Variants in ADGRB3 observed in about 807,000 individuals in gnomAD.
ADGRB3 encodes the protein brain-specific angiogenesis inhibitor 3.
A neutral mutation model predicts 193.4 loss-of-function variants in ADGRB3; 37 were observed. That is an observed-to-expected ratio of 0.19 (90% CI 0.15 to 0.25). The LOEUF is 0.25. Among genes scored for constraint, ADGRB3 ranks in the 10% least tolerant of loss-of-function variants. The probability of loss-of-function intolerance (pLI) is 1.00; values close to 1 mark genes in which losing one functional copy is unlikely to be tolerated. For missense variants in ADGRB3, 1,637 were observed against 1,852.9 expected (o/e 0.88, Z 2.14); for synonymous variants, 690 against 644.2 (o/e 1.07, Z -1.08).
chr6:68,800,472 T>A (rs952442369), intron 3 of ADGRB3, among the ~76,000 whole-genome samples: 1 of 152,020 alleles, frequency 6.6e-6, no homozygotes, highest in Admixed American at 6.6e-5. Flanking sequence ...TTAGATGAGA[T>A]CTCCTAGACT....
chr6:69,269,784 T>C (rs1441299581), intron 20 of ADGRB3, among the ~76,000 whole-genome samples: 2 of 151,900 alleles, frequency 1.3e-5, no homozygotes, highest in Non-Finnish European at 2.9e-5. Flanking sequence ...GATACTTTAG[T>C]TTTATCAAAT....
chr6:68,729,506 T>C (rs766316205), intron 3 of ADGRB3, among the ~76,000 whole-genome samples: 1 of 151,558 alleles, frequency 6.6e-6, no homozygotes, highest in Non-Finnish European at 1.5e-5. Flanking sequence ...TCAGTATGGA[T>C]CAGATCCGGA....
intron 17 of ADGRB3, among the ~76,000 whole-genome samples, chr6:69,097,864 G>A (rs1015846218): frequency 4.5e-4 from 68 of 152,012 alleles, no homozygotes; most frequent in African/African-American, 1.6e-3. Context: ...AAGGAAAATG[G>A]TACAGATTTT....
chr6:69,112,336 T>C (rs1773389371), intron 17 of ADGRB3, among the ~76,000 whole-genome samples: 1 of 152,216 alleles, frequency 6.6e-6, no homozygotes, highest in Non-Finnish European at 1.5e-5. Context: ...TTAGGAATTA[T>C]GGTTTGATAA....
chr6:68,900,253 G>T (rs945703894), intron 3 of ADGRB3, among the ~76,000 whole-genome samples: 2 of 152,070 alleles, frequency 1.3e-5, no homozygotes, highest in Non-Finnish European at 2.9e-5. Context: ...CTATAAAAAT[G>T]ACCATTTATT....
At chr6:68,821,922 A>G (rs1292765499) in intron 3 of ADGRB3, among the ~76,000 whole-genome samples, 2 of 152,120 alleles carry the variant, frequency 1.3e-5, no homozygotes, top group African/African-American at 4.8e-5. Flanking sequence ...AAGGATATTA[A>G]TTCATTTAAT....
chr6:69,040,385 C>CTTTCTTTCCT (rs1562133322), intron 13 of ADGRB3, among the ~76,000 whole-genome samples: 1 of 121,696 alleles, frequency 8.2e-6, no homozygotes, highest in East Asian at 2.6e-4. Context: ...TTCCTTCTCT[C>CTTTCTTTCCT]TCTTTCTTTC....
chr6:68,928,595 A>G (rs1228548934), intron 3 of ADGRB3, among the ~76,000 whole-genome samples: 1 of 152,170 alleles, frequency 6.6e-6, no homozygotes, highest in African/African-American at 2.4e-5. Context: ...CATTTTCCTT[A>G]GAAGAGAGAT....
At chr6:69,300,953 A>T (rs1385320940) in intron 20 of ADGRB3, among the ~76,000 whole-genome samples, 1 of 151,800 alleles carries the variant, frequency 6.6e-6, no homozygotes, top group Non-Finnish European at 1.5e-5. Flanking sequence ...GCAGAGATGT[A>T]GGAAGAGTTT....
At chr6:68,950,932 T>C (rs781310520) in intron 6 of ADGRB3, among the ~76,000 whole-genome samples, 2 of 152,288 alleles carry the variant, frequency 1.3e-5, no homozygotes, top group Middle Eastern at 3.4e-3. Context: ...TTAAAATCTT[T>C]TCATACTTTG....
intron 17 of ADGRB3, among the ~76,000 whole-genome samples, chr6:69,174,019 C>T (rs1021039858): frequency 6.6e-6 from 1 of 152,170 alleles, no homozygotes; most frequent in Admixed American, 6.5e-5. Flanking sequence ...CCATTACTTG[C>T]TGTAAAGTAG....
chr6:68,956,052 G>C lies in ADGRB3; in HGVS notation c.1224G>C (p.Ser408=), dbSNP rs147746294. The change falls in exon 7 of 32, where the codon TCG becomes TCC. Residue 408 remains serine, a synonymous_variant. Coordinates refer to ENST00000370598, the MANE Select transcript of ADGRB3 (RefSeq NM_001704.3). ...PVDGQWQEWS[S]WSQCSVTCSN... Reference sequence around the variant, plus strand: ...ATGGACAGTGGCAAGAGTGGAGTTCGTGGAGCCAGTGCTCAGTAACGTGCT... The same window carrying C: ...ATGGACAGTGGCAAGAGTGGAGTTCCTGGAGCCAGTGCTCAGTAACGTGCT... The C allele has an allele frequency of 2.6e-5, 42 of 1,613,616 alleles. No homozygotes were observed. In the African/African-American group the frequency reaches 3.9e-4, roughly 15 times the overall value.
intron 17 of ADGRB3, among the ~76,000 whole-genome samples, chr6:69,076,366 A>G (rs933227809): frequency 7.2e-5 from 11 of 152,226 alleles, no homozygotes; most frequent in African/African-American, 2.2e-4. Context: ...CTAGTAATTC[A>G]GCTTAGCATT....
chr6:69,276,055 A>G (rs1011915112), intron 20 of ADGRB3, among the ~76,000 whole-genome samples: 2 of 152,234 alleles, frequency 1.3e-5, no homozygotes, highest in African/African-American at 4.8e-5. Flanking sequence ...TTTTCACTTC[A>G]TTCAAACTTG....
Position 69,031,116 on chromosome 6 carries a change from C to CTTCTCT in ADGRB3, c.2107+12618_2107+12619insTCTCTT, listed in dbSNP as rs58370570. Among the ~76,000 whole-genome samples the CTTCTCT allele has an allele frequency of 3.4e-3, 169 of 49,404 alleles. 21 individuals are homozygous for CTTCTCT. Among genetic ancestry groups the CTTCTCT allele is most frequent in the African/African-American group, 0.014 (154 of 11,372 alleles). The allele number at this position is 49,404 out of a possible 152,430, so 32.4% of individuals were successfully genotyped here. A position where few individuals can be genotyped will look rare whatever the true frequency, so the allele number is the denominator to read the frequency against. ...CTTCTCTTCTCTTCTCTTCTCTTCT[C>CTTCTCT]TCTCTTCTCTCTGTCTCTCTCTCTC... On this transcript the variant is annotated intron_variant, in intron 13 of 31. Transcript: ENST00000370598.
chr6:68,852,787 C>A (rs1392937035), intron 3 of ADGRB3, among the ~76,000 whole-genome samples: 3 of 151,942 alleles, frequency 2.0e-5, no homozygotes, highest in Non-Finnish European at 4.4e-5. Context: ...CTGTCAAAGA[C>A]TAGATAACTA....
chr6:68,700,323 T>C (rs1765221064), intron 3 of ADGRB3, among the ~76,000 whole-genome samples: 1 of 152,160 alleles, frequency 6.6e-6, no homozygotes, highest in Non-Finnish European at 1.5e-5. Flanking sequence ...TTACATTTTT[T>C]TTCCCTTGAG....
At chr6:68,691,704 C>T (rs1449845827) in intron 3 of ADGRB3, among the ~76,000 whole-genome samples, 1 of 151,780 alleles carries the variant, frequency 6.6e-6, no homozygotes, top group Non-Finnish European at 1.5e-5. Flanking sequence ...AGCATCAGGT[C>T]ACTGATTAAT....
At chr6:68,984,682 A>T (rs976061866) in intron 10 of ADGRB3, among the ~76,000 whole-genome samples, 1 of 152,296 alleles carries the variant, frequency 6.6e-6, no homozygotes, top group African/African-American at 2.4e-5. Flanking sequence ...AAAATAAATG[A>T]TCCAGTAAAA....
Sources: gnomAD v4.1 joint callset for allele counts (sites outside exome capture counted in the v4.1 genomes callset) on GRCh38, gnomAD v4.1.1 for gene constraint, MANE v1.5 for transcripts, NCBI Gene and HGNC (gene_info 2026-07-23, HGNC 2026-07-21) for gene names.